The following CDK14 variants were observed in gnomAD, a reference collection of about 807,000 sequenced individuals.
The protein encoded by CDK14 is cyclin-dependent kinase 14.
In CDK14, 34 loss-of-function variants were observed where a neutral mutation model predicts 60.7. The observed-to-expected ratio is 0.56, with a 90% CI of 0.43 to 0.75. The LOEUF is 0.75. Ranked by LOEUF, CDK14 falls within the 30% of genes least tolerant of loss-of-function variation. The probability of loss-of-function intolerance (pLI) is 0.00; values close to 1 mark genes in which losing one functional copy is unlikely to be tolerated. For synonymous variants in CDK14, 197 were observed against 203.7 expected (o/e 0.97, Z 0.28); for missense variants, 482 against 564.1 (o/e 0.85, Z 1.47).
At chr7:90,819,214 A>G (rs757831679) in intron 5 of CDK14, among the ~76,000 whole-genome samples, 6 of 152,192 alleles carry the variant, frequency 3.9e-5, no homozygotes, top group Non-Finnish European at 5.9e-5. Context: ...GATGACAGTC[A>G]AGAACTGAGA....
At chr7:91,104,119 T>C (rs1687718686) in intron 12 of CDK14, among the ~76,000 whole-genome samples, 1 of 152,132 alleles carries the variant, frequency 6.6e-6, no homozygotes, top group African/African-American at 2.4e-5. Context: ...TTTTACAAAA[T>C]GAATGTAGAA....
intron 11 of CDK14, among the ~76,000 whole-genome samples, chr7:91,053,078 A>G (rs544003464): frequency 2.6e-5 from 4 of 152,258 alleles, no homozygotes; most frequent in Admixed American, 2.0e-4. Context: ...ACAGGTCCAC[A>G]CTTTTTTGTT....
At chr7:90,601,928 A>ATGTT (rs1242065982) in intron 1 of CDK14, among the ~76,000 whole-genome samples, 1 of 86,260 alleles carries the variant, frequency 1.2e-5, no homozygotes, top group Non-Finnish European at 2.4e-5. Flanking sequence ...AATTTTATGT[A>ATGTT]TGTATGTATG....
At chr7:91,090,183 C>T (rs1798759478) in intron 12 of CDK14, among the ~76,000 whole-genome samples, 1 of 152,168 alleles carries the variant, frequency 6.6e-6, no homozygotes, top group South Asian at 2.1e-4. Flanking sequence ...AGGACCCCTT[C>T]TCTGTTGCCA....
At chr7:90,668,881 TTTTG>T (rs1053965093) in intron 2 of CDK14, among the ~76,000 whole-genome samples, 3 of 149,654 alleles carry the variant, frequency 2.0e-5, no homozygotes, top group Admixed American at 6.7e-5. Flanking sequence ...GCTATTTTTT[TTTTG>T]TTTATTTATT....
At position 91,053,212 on chromosome 7, in the gene CDK14, A is replaced by G. The variant is rs527314006; in HGVS notation, c.1105+7252A>G. 1.1e-4 allele frequency among the ~76,000 whole-genome samples: 16 copies of G among 152,364 alleles called. No individual in the cohort carries two copies. In the East Asian group the frequency reaches 2.9e-3, roughly 28 times the overall value. ...ATTATCTCATTTGATAGTTAGAATA[A>G]CTGCATTATAATAATGCTTTTTTCC... is the stretch of plus-strand genomic sequence containing the variant. On this transcript the variant is annotated intron_variant, in intron 11 of 14. Transcript: ENST00000380050.
Position 91,179,352 on chromosome 7 carries a change from T to G in CDK14, c.*29-27813T>G, listed in dbSNP as rs1263287180. Among the ~76,000 whole-genome samples the G allele has an allele frequency of 5.5e-5, 4 of 73,082 alleles. No individual in the cohort carries two copies. In the South Asian group the frequency reaches 1.7e-3, roughly 31 times the overall value. The allele number at this position is 73,082 out of a possible 152,430, so 47.9% of individuals were successfully genotyped here. On this transcript the variant is annotated intron_variant, in intron 14 of 14. Coordinates refer to ENST00000380050, the MANE Select transcript of CDK14 (RefSeq NM_001287135.2). Reference sequence around the variant, plus strand: ...GGGAATATCACACTCTGGGGACTGTTGTGGGGTGGGGGGAGGGAGGAGGGA... The same window carrying G: ...GGGAATATCACACTCTGGGGACTGTGGTGGGGTGGGGGGAGGGAGGAGGGA...
intron 4 of CDK14, among the ~76,000 whole-genome samples, chr7:90,751,042 T>C (rs1234116072): frequency 1.3e-5 from 2 of 151,880 alleles, no homozygotes; most frequent in Non-Finnish European, 2.9e-5. Context: ...TGTAAAGTGA[T>C]CAAACCTTCA....
At chr7:90,656,162 G>T (rs987458931) in intron 2 of CDK14, among the ~76,000 whole-genome samples, 1 of 152,070 alleles carries the variant, frequency 6.6e-6, no homozygotes, top group Non-Finnish European at 1.5e-5. Flanking sequence ...TTTTCTTTTA[G>T]GGACTCCATT....
In CDK14 at chr7:90,821,181, G is replaced by A. The variant is rs1209774442; in HGVS notation, c.544+30529G>A. On this transcript the variant is annotated intron_variant, in intron 5 of 14. Transcript: ENST00000380050. The stretch of plus-strand genomic sequence containing the variant: ...CTTTCATCACAGTCTCTTAGATCAT[G>A]TTCCCTGGAAACCTATGTTGCATGC... Among the ~76,000 whole-genome samples the A allele has an allele frequency of 2.0e-5, 3 of 152,130 alleles. No homozygotes were observed. In the East Asian group the frequency reaches 5.8e-4, roughly 29 times the overall value.
rs563726213 is a variant in CDK14, at chr7:90,905,425, G to A, written c.702+6072G>A. Reference sequence around the variant, plus strand: ...CCAGGAAAAACAAATTTTTGTGCAGGGGAAAGAAAGGTATTCATAGTAAAC... The same window carrying A: ...CCAGGAAAAACAAATTTTTGTGCAGAGGAAAGAAAGGTATTCATAGTAAAC... On this transcript the variant is annotated intron_variant, in intron 7 of 14. Transcript: ENST00000380050. 1.6e-4 allele frequency among the ~76,000 whole-genome samples: 24 copies of A among 152,138 alleles called. 1 individual carries two copies. The South Asian group carries it at 2.9e-3, about 18-fold the overall frequency.
chr7:91,160,497 T>G (rs1163099473), intron 14 of CDK14, among the ~76,000 whole-genome samples: 1 of 151,722 alleles, frequency 6.6e-6, no homozygotes, highest in East Asian at 1.9e-4. Context: ...TATGTTATGA[T>G]GGGGGGGGAT....
intron 2 of CDK14, among the ~76,000 whole-genome samples, chr7:90,687,047 AT>A (rs577500650): frequency 1.7e-3 from 263 of 150,706 alleles, no homozygotes; most frequent in Non-Finnish European, 2.8e-3. Flanking sequence ...TTGTGATTGA[AT>A]TTTTTTTTTA....
At chr7:90,815,461 CT>C (rs1789309243) in intron 5 of CDK14, among the ~76,000 whole-genome samples, 1 of 152,196 alleles carries the variant, frequency 6.6e-6, no homozygotes, top group African/African-American at 2.4e-5. Flanking sequence ...CACTTTTACA[CT>C]ATTGGTGGAG....
At chr7:90,970,456 A>G (rs376539401) in intron 9 of CDK14, among the ~76,000 whole-genome samples, 1 of 152,174 alleles carries the variant, frequency 6.6e-6, no homozygotes, top group East Asian at 1.9e-4. Flanking sequence ...CAAAGTTGCC[A>G]TCTCTATTTG....
chr7:91,122,028 G>A (rs939178542), intron 14 of CDK14, among the ~76,000 whole-genome samples: 3 of 152,138 alleles, frequency 2.0e-5, no homozygotes, highest in Non-Finnish European at 4.4e-5. Context: ...GGATAAGAAA[G>A]GTCTCTATTC....
intron 4 of CDK14, among the ~76,000 whole-genome samples, chr7:90,786,607 A>T (rs1805592188): frequency 6.6e-6 from 1 of 152,110 alleles, no homozygotes; most frequent in Admixed American, 6.6e-5. Flanking sequence ...ACTGTCAAAT[A>T]TTTCAGGTCA....
intron 2 of CDK14, among the ~76,000 whole-genome samples, chr7:90,628,071 C>A (rs143394519): frequency 2.6e-5 from 4 of 152,164 alleles, no homozygotes; most frequent in Non-Finnish European, 5.9e-5. Context: ...CCTCCCACTT[C>A]GGCCTCCCAA....
At chr7:90,649,308 C>CT (rs1181503103) in intron 2 of CDK14, among the ~76,000 whole-genome samples, 20 of 57,408 alleles carry the variant, frequency 3.5e-4, no homozygotes, top group African/African-American at 1.6e-3. Context: ...TTCTTTCTTT[C>CT]TTTCCTTCCT....
Sources: gnomAD v4.1 joint callset for allele counts (sites outside exome capture counted in the v4.1 genomes callset) on GRCh38, gnomAD v4.1.1 for gene constraint, MANE v1.5 for transcripts, NCBI Gene and HGNC (gene_info 2026-07-23, HGNC 2026-07-21) for gene names.